Variants in STK32A observed in about 807,000 individuals in gnomAD.
STK32A encodes serine/threonine-protein kinase 32A.
STK32A carries 41 observed loss-of-function variants against 53.2 expected under a neutral mutation model. The ratio of observed to expected loss-of-function variants is 0.77; its 90% CI spans 0.60 to 1.00. The LOEUF (loss-of-function observed/expected upper bound fraction) is 1.00, where lower values mean the gene tolerates loss of function less well. Ranked by LOEUF, STK32A falls within the 50% of genes least tolerant of loss-of-function variation. STK32A has a pLI of 0.00. For missense variants in STK32A, 458 were observed against 485.8 expected, an observed-to-expected ratio of 0.94 and a Z score of 0.54; for synonymous variants, 166 against 162.8, an observed-to-expected ratio of 1.02 and a Z score of -0.15.
At chr5:147,265,819 T>G (rs1754779665) in intron 2 of STK32A, among the ~76,000 whole-genome samples, 1 of 152,196 alleles carries the variant, frequency 6.6e-6, no homozygotes, top group South Asian at 2.1e-4. Flanking sequence ...TGAGCCTTTC[T>G]TTGTAACTGA....
Position 147,383,978 on chromosome 5 carries a change from T to C in STK32A, c.1186T>C (p.Leu396=), listed in dbSNP as rs1757556156. ...PQGEDGQNNN[L] is the part of the protein sequence containing the mutation. Reference sequence around the variant, plus strand: ...AGGTGAGGATGGTCAGAATAACAACTTGTAAAGGCCTCATGTCTTCTTCTT... The same window carrying C: ...AGGTGAGGATGGTCAGAATAACAACCTGTAAAGGCCTCATGTCTTCTTCTT... The change falls in exon 13 of 13, where the codon TTG becomes CTG. Residue 396 remains leucine, a synonymous_variant. Coordinates refer to ENST00000397936, the MANE Select transcript of STK32A (RefSeq NM_001112724.2). The C allele has an allele frequency of 8.1e-6, 13 of 1,602,952 alleles. No homozygotes were observed. Among genetic ancestry groups the C allele is most frequent in the Non-Finnish European group, 1.1e-5 (13 of 1,176,478 alleles).
At chr5:147,238,713 A>G (rs960763549) in intron 1 of STK32A, among the ~76,000 whole-genome samples, 23 of 152,244 alleles carry the variant, frequency 1.5e-4, no homozygotes, top group African/African-American at 4.8e-4. Context: ...ACAGAGTTAT[A>G]TATATGTGTA....
At chr5:147,262,877 G>T (rs576344623) in intron 2 of STK32A, among the ~76,000 whole-genome samples, 1 of 152,124 alleles carries the variant, frequency 6.6e-6, no homozygotes, top group Non-Finnish European at 1.5e-5. Flanking sequence ...CCAAAGACTC[G>T]GGAATTGGCA....
chr5:147,279,357 G>A lies in STK32A; in HGVS notation c.219G>A (p.Gln73=). The A allele has an allele frequency of 6.2e-7, 1 of 1,609,626 alleles. No homozygotes were observed. The change falls in exon 4 of 13, where the codon CAG becomes CAA. Residue 73 remains glutamine (Q), a synonymous_variant. Transcript: ENST00000397936. ...TGAGAAATGTCTTCAAGGAACTCCA[G>A]ATCATGCAGGGTCTGGAGCACCCTT... ...NEVRNVFKEL[Q]IMQGLEHPFL...
chr5:147,281,171 G>A (rs1752048137), intron 4 of STK32A, among the ~76,000 whole-genome samples: 1 of 152,066 alleles, frequency 6.6e-6, no homozygotes, highest in Non-Finnish European at 1.5e-5. Context: ...AAGTGAGAAG[G>A]AACCAGTAAT....
At chr5:147,378,136 C>T (rs1307189747) in intron 11 of STK32A, among the ~76,000 whole-genome samples, 1 of 151,862 alleles carries the variant, frequency 6.6e-6, no homozygotes. Flanking sequence ...CTGTAAAATT[C>T]CTGCTTTGTT....
At chr5:147,395,284 G>A in the STK32A span, among the ~76,000 whole-genome samples, 15 of 152,176 alleles carry the variant, frequency 9.9e-5, no homozygotes, top group Non-Finnish European at 1.9e-4. Context: ...CCAGCTCCCC[G>A]ACCCTGCCCC....
chr5:147,257,501 G>A (rs1754286836), intron 2 of STK32A, among the ~76,000 whole-genome samples: 1 of 152,194 alleles, frequency 6.6e-6, no homozygotes. Context: ...AATAGAGCCA[G>A]TAAAGAAGAA....
intron 4 of STK32A, among the ~76,000 whole-genome samples, chr5:147,304,110 C>G (rs1753280576): frequency 1.3e-5 from 2 of 152,174 alleles, no homozygotes; most frequent in South Asian, 4.1e-4. Flanking sequence ...ATCTGGAAAT[C>G]TAGGTAGCAG....
At chr5:147,348,852 A>G in intron 6 of STK32A, 2 of 674,544 alleles carry the variant, frequency 3.0e-6, no homozygotes, top group Non-Finnish European at 5.5e-6. Flanking sequence ...GTCTCCTGTA[A>G]TCATTCTTTC....
At chr5:147,369,665 A>G (rs556603164) in intron 8 of STK32A, among the ~76,000 whole-genome samples, 1 of 152,164 alleles carries the variant, frequency 6.6e-6, no homozygotes, top group South Asian at 2.1e-4. Context: ...AAACCCTTTC[A>G]TTTCCCCCAA....
chr5:147,307,624 CAAAAAA>C (rs34762967), intron 4 of STK32A, among the ~76,000 whole-genome samples: 2 of 75,298 alleles, frequency 2.7e-5, no homozygotes, highest in Non-Finnish European at 2.5e-5. Context: ...GACGCTGTCT[CAAAAAA>C]AAAAAAAAAA....
At chr5:147,252,948 T>C (rs34592386) in intron 2 of STK32A, among the ~76,000 whole-genome samples, 46,267 of 152,060 alleles carry the variant, frequency 0.3, 7,251 homozygotes, top group Admixed American at 0.37. Context: ...TTTTAATCTG[T>C]GTATGTGTAT....
At chr5:147,319,443 CA>C (rs995088908) in intron 4 of STK32A, among the ~76,000 whole-genome samples, 1 of 152,048 alleles carries the variant, frequency 6.6e-6, no homozygotes, top group African/African-American at 2.4e-5. Context: ...TGCCTGGCCA[CA>C]ATGGGGTATT....
At chr5:147,274,859 C>T (rs1755184606) in intron 2 of STK32A, among the ~76,000 whole-genome samples, 1 of 152,116 alleles carries the variant, frequency 6.6e-6, no homozygotes, top group Non-Finnish European at 1.5e-5. Flanking sequence ...TTCAGGTTGT[C>T]TGTCTTCAGG....
chr5:147,344,760 T>A (rs1755603765), intron 6 of STK32A, among the ~76,000 whole-genome samples: 1 of 152,236 alleles, frequency 6.6e-6, no homozygotes, highest in Non-Finnish European at 1.5e-5. Flanking sequence ...GAGTCCTCAC[T>A]TGCTCCCTCA....
the STK32A span, among the ~76,000 whole-genome samples, chr5:147,396,551 G>A: frequency 1.3e-5 from 2 of 152,160 alleles, no homozygotes; most frequent in Non-Finnish European, 2.9e-5. Flanking sequence ...AAGAAGTCCT[G>A]TCAGAGCCTC....
chr5:147,355,094 C>G (rs1041236377), intron 7 of STK32A, among the ~76,000 whole-genome samples: 2 of 151,986 alleles, frequency 1.3e-5, no homozygotes, highest in Non-Finnish European at 2.9e-5. Context: ...CCAGAAAGAA[C>G]AAAAAGAATT....
At chr5:147,390,478 C>CAAAAAAAAAA (rs151186049), downstream of STK32A, among the ~76,000 whole-genome samples, 5 of 110,878 alleles carry the variant, frequency 4.5e-5, no homozygotes, top group African/African-American at 1.5e-4. Context: ...GGGGAAAGAC[C>CAAAAAAAAAA]AAAAAAAAAA....
Sources: gnomAD v4.1 joint callset for allele counts (sites outside exome capture counted in the v4.1 genomes callset) on GRCh38, gnomAD v4.1.1 for gene constraint, MANE v1.5 for transcripts, NCBI Gene and HGNC (gene_info 2026-07-23, HGNC 2026-07-21) for gene names.